Variants in ATP7A observed in about 807,000 individuals in gnomAD.
The protein encoded by ATP7A is ATPase copper transporting alpha, also known as copper-transporting ATPase 1.
A neutral mutation model predicts 83.5 loss-of-function variants in ATP7A; 7 were observed. The observed-to-expected ratio is 0.08, with a 90% CI of 0.05 to 0.16. The LOEUF is 0.16. ATP7A is among the 10% of genes least tolerant of loss of function. The pLI is 1.00. For synonymous variants in ATP7A, 354 were observed against 395.2 expected (o/e 0.90, Z 1.24); for missense variants, 940 against 1,120.8 (o/e 0.84, Z 2.30).
chrX:77,971,941 A>C (rs922203084), intron 2 of ATP7A, among the ~76,000 whole-genome samples, 180 bp downstream of exon 2: 20 of 111,832 alleles, frequency 1.8e-4, no homozygotes. Flanking sequence ...ATAAAGAAAA[A>C]AGATATATTT....
At chrX:78,040,942 A>G (rs782113067) in intron 19 of ATP7A, among the ~76,000 whole-genome samples, 2 of 111,742 alleles carry the variant, frequency 1.8e-5, no homozygotes, top group Non-Finnish European at 1.9e-5. Flanking sequence ...TGCTTAGTTC[A>G]TGGGATGCTT....
chrX:78,015,689 T>C (rs2077857392), intron 11 of ATP7A, 65 bp from the exon 12 acceptor site: 1 of 1,189,925 alleles, frequency 8.4e-7, no homozygotes, highest in Admixed American at 2.2e-5. Context: ...ACTAAAGAGC[T>C]TACATGGAGA....
chrX:77,931,584 G>T (rs1213357266), intron 1 of ATP7A, among the ~76,000 whole-genome samples: 23 of 111,350 alleles, frequency 2.1e-4, no homozygotes, highest in African/African-American at 5.2e-4. Flanking sequence ...ATCCCAGTAG[G>T]GGCGGCCGGG....
intron 6 of ATP7A, among the ~76,000 whole-genome samples, chrX:78,005,477 T>C: frequency 9.3e-6 from 1 of 107,713 alleles, no homozygotes; most frequent in East Asian, 2.9e-4. Context: ...AAGTCAGGAG[T>C]TCAAGACCAC....
chrX:77,958,965 T>G (rs962777503), intron 1 of ATP7A, among the ~76,000 whole-genome samples: 1 of 108,830 alleles, frequency 9.2e-6, no homozygotes, highest in Non-Finnish European at 1.9e-5. Context: ...ATTTTGTATT[T>G]TTAGTAGCGA....
rs1047495852 is a variant in ATP7A at position 78,011,322 on chromosome X, G to C, written c.1946+70G>C. ...ATTACAAATTTTTTTTTGCATGTCA[G>C]TTTTTATAATATCATCCTTATACTG... On this transcript the variant is annotated intron_variant, in intron 8 of 22. Coordinates refer to ENST00000341514, the MANE Select transcript of ATP7A (RefSeq NM_000052.7). 2.7e-5 allele frequency: 29 copies of C among 1,093,720 alleles called. No individual in the cohort carries two copies. The East Asian group carries it at 8.4e-4, about 32-fold the overall frequency. The allele number at this position is 1,093,720 out of a possible 1,213,427, so 90.1% of individuals were successfully genotyped here.
chrX:77,929,801 C>T (rs934967788), intron 1 of ATP7A, among the ~76,000 whole-genome samples: 3 of 110,334 alleles, frequency 2.7e-5, no homozygotes, highest in African/African-American at 9.9e-5. Context: ...CTCTCCTCCA[C>T]CTCATTTTCC....
intron 6 of ATP7A, among the ~76,000 whole-genome samples, chrX:78,006,117 C>G (rs1399991897): frequency 1.8e-5 from 2 of 111,912 alleles, no homozygotes; most frequent in Non-Finnish European, 3.8e-5. Flanking sequence ...GTAAAGTTAA[C>G]AATTTTGTTA....
At chrX:78,014,590 G>A (rs923328602) in intron 10 of ATP7A, 72 bp from the exon 11 acceptor site, 5 of 779,792 alleles carry the variant, frequency 6.4e-6, no homozygotes, top group Non-Finnish European at 9.8e-6. Context: ...GCTAAAGATT[G>A]TATTTTTATT....
intron 1 of ATP7A, among the ~76,000 whole-genome samples, chrX:77,914,824 T>A (rs1183243070): frequency 9.0e-6 from 1 of 111,535 alleles, no homozygotes; most frequent in Non-Finnish European, 1.9e-5. Context: ...TTTTGTTTAT[T>A]TATTTTTGAG....
In ATP7A at chrX:77,986,107, CA is replaced by C. The variant is rs1240432002; in HGVS notation, c.121-2131del. ...ATGGAAAATGTTATATAGTATTATC[CA>C]AAACCAAATATAATTTATTTCCCCA... On this transcript the variant is annotated intron_variant, in intron 2 of 22. Coordinates refer to ENST00000341514, the MANE Select transcript of ATP7A (RefSeq NM_000052.7). Among the ~76,000 whole-genome samples, 3 of 110,753 alleles carry C rather than the reference CA, an allele frequency of 2.7e-5. No individual in the cohort carries two copies. The East Asian group carries it at 8.5e-4, about 31-fold the overall frequency.
At chrX:78,035,209 C>T (rs781974600) in intron 17 of ATP7A, among the ~76,000 whole-genome samples, 16 of 111,600 alleles carry the variant, frequency 1.4e-4, no homozygotes, top group African/African-American at 4.2e-4. Context: ...CTTCCACTAC[C>T]GCTCTAAAAT....
intron 1 of ATP7A, among the ~76,000 whole-genome samples, chrX:77,929,399 G>C (rs1376241043): frequency 6.3e-5 from 7 of 111,008 alleles, no homozygotes; most frequent in African/African-American, 9.8e-5. Flanking sequence ...ATTCTTTTCA[G>C]ACAACGTAAG....
At chrX:78,021,147 A>G (rs2077903427) in intron 14 of ATP7A, 68 bp downstream of exon 14, 3 of 1,058,415 alleles carry the variant, frequency 2.8e-6, no homozygotes, top group Non-Finnish European at 3.9e-6. Flanking sequence ...TTAGTAATTC[A>G]TTGGAAATAA....
intron 2 of ATP7A, among the ~76,000 whole-genome samples, chrX:77,977,589 C>T (rs1557230445): frequency 8.9e-6 from 1 of 112,513 alleles, no homozygotes; most frequent in African/African-American, 3.2e-5. Context: ...AGCCTGTTTG[C>T]ATCACACTCA....
chrX:77,937,721 A>G (rs1217680974), intron 1 of ATP7A, among the ~76,000 whole-genome samples: 1 of 111,884 alleles, frequency 8.9e-6, no homozygotes, highest in Non-Finnish European at 1.9e-5. Flanking sequence ...ATCCACTTAT[A>G]TGAATAATCA....
intron 1 of ATP7A, among the ~76,000 whole-genome samples, chrX:77,919,922 C>T (rs2077204057): frequency 8.9e-6 from 1 of 112,316 alleles, no homozygotes; most frequent in Non-Finnish European, 1.9e-5. Flanking sequence ...TAAATAATAG[C>T]TTCTCATTCT....
intron 2 of ATP7A, among the ~76,000 whole-genome samples, chrX:77,974,184 C>T (rs2077564212): frequency 9.2e-6 from 1 of 108,511 alleles, no homozygotes; most frequent in African/African-American, 3.4e-5. Flanking sequence ...CACTCTGTGA[C>T]CCAGGCTGGA....
chrX:77,970,140 G>A (rs2149072829), intron 1 of ATP7A, among the ~76,000 whole-genome samples: 1 of 110,560 alleles, frequency 9.0e-6, no homozygotes, highest in African/African-American at 3.3e-5. Flanking sequence ...GCTATTGGCG[G>A]GAGGCCTTAG....
Sources: allele counts gnomAD v4.1 joint callset (sites outside exome capture counted in the v4.1 genomes callset), GRCh38; gene constraint gnomAD v4.1.1; transcripts MANE v1.5; gene names NCBI Gene and HGNC (gene_info 2026-07-23, HGNC 2026-07-21).